Variants in SGCZ observed in about 807,000 individuals in gnomAD.
The protein encoded by SGCZ is zeta-sarcoglycan.
A neutral mutation model predicts 41.3 loss-of-function variants in SGCZ; 40 were observed. The observed-to-expected ratio is 0.97, with a 90% CI of 0.75 to 1.26. SGCZ has a LOEUF of 1.26. SGCZ is among the 50% of genes most tolerant of loss of function. The pLI is 0.00. For synonymous variants in SGCZ, 206 were observed against 137.5 expected (o/e 1.50, Z -3.49); for missense variants, 552 against 369.8 (o/e 1.49, Z -4.04).
rs76188958 is a variant in SGCZ, at chr8:15,146,159, A to T, written c.39+91426T>A. On this transcript the variant is annotated intron_variant, in intron 1 of 7. Coordinates refer to ENST00000382080, the MANE Select transcript of SGCZ (RefSeq NM_139167.4). ...AAAACTAAGAAAAAAATTGAAATAA[A>T]TAGTAACTCCAGGAAAAAGAAAAAG... is the stretch of plus-strand genomic sequence containing the variant. Among the ~76,000 whole-genome samples, 1,104 of 152,268 alleles carry T rather than the reference A, an allele frequency of 7.3e-3. 15 individuals carry two copies. The highest frequency in any genetic ancestry group is 0.025 in the African/African-American group (1,046 of 41,566).
chr8:14,640,295 T>C (rs988799759), intron 1 of SGCZ, among the ~76,000 whole-genome samples: 1 of 151,764 alleles, frequency 6.6e-6, no homozygotes, highest in African/African-American at 2.4e-5. Context: ...CCTTTGTTCT[T>C]ACAAAGTTTG....
intron 3 of SGCZ, among the ~76,000 whole-genome samples, chr8:14,269,828 T>G (rs1372527216): frequency 6.6e-6 from 1 of 152,166 alleles, no homozygotes; most frequent in East Asian, 1.9e-4. Flanking sequence ...GCATACGTTT[T>G]TGCTTGATAT....
intron 1 of SGCZ, among the ~76,000 whole-genome samples, chr8:15,195,938 C>T (rs4477024): frequency 0.37 from 47,011 of 126,888 alleles, 11,514 homozygotes; most frequent in Non-Finnish European, 0.51. Flanking sequence ...CGCTCTGTCG[C>T]CCAGGCTGGA....
chr8:15,189,761 G>C (rs1018672928), intron 1 of SGCZ, among the ~76,000 whole-genome samples: 4 of 152,034 alleles, frequency 2.6e-5, no homozygotes, highest in Non-Finnish European at 5.9e-5. Flanking sequence ...ATGTTGCCCA[G>C]GCTGGTGTTG....
intron 1 of SGCZ, among the ~76,000 whole-genome samples, chr8:14,793,079 T>A (rs192674724): frequency 6.6e-6 from 1 of 152,232 alleles, no homozygotes; most frequent in Middle Eastern, 3.2e-3. Context: ...CATGTTCCTA[T>A]TTGATTTCTT....
chr8:14,358,809 C>T (rs1050956618), intron 2 of SGCZ, among the ~76,000 whole-genome samples: 1 of 151,982 alleles, frequency 6.6e-6, no homozygotes, highest in Non-Finnish European at 1.5e-5. Context: ...TGGGGTTTCA[C>T]CATCTTGGCC....
At chr8:14,239,044 A>G (rs556217842) in intron 3 of SGCZ, among the ~76,000 whole-genome samples, 12 of 151,802 alleles carry the variant, frequency 7.9e-5, no homozygotes, top group African/African-American at 2.7e-4. Context: ...TTTTTTTTCC[A>G]TAGGTGTAAC....
At position 14,897,316 on chromosome 8, in the gene SGCZ, T is replaced by C. The variant is rs186303841; in HGVS notation, c.39+340269A>G. Reference sequence around the variant, plus strand: ...TCTTCTCTAGAAAGTTCCCATCTGATAAAAGGCAAAAAGTGAAAGCACTGC... The same window carrying C: ...TCTTCTCTAGAAAGTTCCCATCTGACAAAAGGCAAAAAGTGAAAGCACTGC... On this transcript the variant is annotated intron_variant, in intron 1 of 7. Coordinates refer to ENST00000382080, the MANE Select transcript of SGCZ (RefSeq NM_139167.4). 1.2e-3 allele frequency among the ~76,000 whole-genome samples: 187 copies of C among 152,306 alleles called. 2 individuals are homozygous for C. Among genetic ancestry groups the C allele is most frequent in the African/African-American group, 4.4e-3 (182 of 41,564 alleles).
chr8:14,512,136 T>G (rs2117077736), intron 2 of SGCZ, among the ~76,000 whole-genome samples: 1 of 152,266 alleles, frequency 6.6e-6, no homozygotes, highest in Middle Eastern at 3.4e-3. Context: ...CTGAGTATTT[T>G]CTACTCTGTT....
chr8:14,978,804 T>A (rs186364684), intron 1 of SGCZ, among the ~76,000 whole-genome samples: 39 of 152,216 alleles, frequency 2.6e-4, no homozygotes, highest in African/African-American at 9.4e-4. Context: ...AATTTTTTGT[T>A]TTGTTTTGTT....
intron 4 of SGCZ, among the ~76,000 whole-genome samples, chr8:14,212,851 G>C (rs1805863369): frequency 6.6e-6 from 1 of 151,458 alleles, no homozygotes; most frequent in Admixed American, 6.6e-5. Context: ...AGAAAATCTA[G>C]GCAAAAAATA....
chr8:15,048,093 T>C (rs552384963), intron 1 of SGCZ, among the ~76,000 whole-genome samples: 45 of 152,148 alleles, frequency 3.0e-4, no homozygotes, highest in African/African-American at 7.7e-4. Context: ...CTACCATTCA[T>C]TGGCAGAATG....
chr8:14,306,441 A>G (rs1027291327), intron 3 of SGCZ, among the ~76,000 whole-genome samples: 2 of 152,170 alleles, frequency 1.3e-5, no homozygotes, highest in Non-Finnish European at 2.9e-5. Flanking sequence ...AAATATTGTA[A>G]TTTCTCTGTA....
intron 1 of SGCZ, among the ~76,000 whole-genome samples, chr8:14,737,434 T>A (rs891348010): frequency 2.6e-5 from 4 of 152,038 alleles, no homozygotes; most frequent in Non-Finnish European, 5.9e-5. Flanking sequence ...AGAATCCAAG[T>A]TTCTTAATTT....
chr8:14,352,779 A>G (rs1280326231), intron 2 of SGCZ, among the ~76,000 whole-genome samples: 1 of 152,054 alleles, frequency 6.6e-6, no homozygotes, highest in African/African-American at 2.4e-5. Flanking sequence ...CTGTCCATTC[A>G]TGGCTCAGTC....
At chr8:14,620,625 A>G (rs1186249266) in intron 1 of SGCZ, among the ~76,000 whole-genome samples, 1 of 152,214 alleles carries the variant, frequency 6.6e-6, no homozygotes, top group African/African-American at 2.4e-5. Context: ...ACAAGTGGGC[A>G]AAGGATACGA....
At chr8:14,703,072 C>G (rs1809221185) in intron 1 of SGCZ, among the ~76,000 whole-genome samples, 1 of 151,950 alleles carries the variant, frequency 6.6e-6, no homozygotes, top group Admixed American at 6.6e-5. Flanking sequence ...GGACTGTTAA[C>G]TTGTTTCCAA....
At chr8:15,194,002 A>G (rs975693731) in intron 1 of SGCZ, among the ~76,000 whole-genome samples, 2 of 152,216 alleles carry the variant, frequency 1.3e-5, no homozygotes, top group African/African-American at 4.8e-5. Context: ...ATAACTAGCC[A>G]GTGTAACTTG....
At chr8:14,601,565 G>C (rs1026563081) in intron 1 of SGCZ, among the ~76,000 whole-genome samples, 1 of 152,046 alleles carries the variant, frequency 6.6e-6, no homozygotes, top group Admixed American at 6.6e-5. Flanking sequence ...TTTCTTCCCT[G>C]AACCTGTTCT....
Sources: allele counts gnomAD v4.1 joint callset (sites outside exome capture counted in the v4.1 genomes callset), GRCh38; gene constraint gnomAD v4.1.1; transcripts MANE v1.5; gene names NCBI Gene and HGNC (gene_info 2026-07-23, HGNC 2026-07-21).